The following COL25A1 variants were observed in gnomAD, a reference collection of about 807,000 sequenced individuals.
The protein encoded by COL25A1 is collagen alpha-1(XXV) chain.
Under a neutral mutation model 128.4 loss-of-function variants are expected in COL25A1, and 103 were observed. The ratio of observed to expected loss-of-function variants is 0.80; its 90% confidence interval spans 0.68 to 0.94. COL25A1 has a LOEUF of 0.94. Among genes scored for constraint, COL25A1 ranks in the 40% least tolerant of loss-of-function variants. The pLI, the probability that COL25A1 is intolerant of heterozygous loss-of-function variation, is 0.00. For missense variants in COL25A1, 745 were observed against 840.0 expected (o/e 0.89, Z 1.40); for synonymous variants, 279 against 277.2 (o/e 1.01, Z -0.06).
chr4:108,905,305 G>GA (rs1353977882), intron 13 of COL25A1, among the ~76,000 whole-genome samples: 1 of 151,242 alleles, frequency 6.6e-6, no homozygotes, highest in Non-Finnish European at 1.5e-5. Context: ...GATTTAGTAG[G>GA]AAAAAAATGA....
chr4:108,972,650 G>A (rs1752033986), intron 8 of COL25A1, among the ~76,000 whole-genome samples: 1 of 152,086 alleles, frequency 6.6e-6, no homozygotes. Flanking sequence ...TCAATACAAA[G>A]CAAAATACAG....
intron 3 of COL25A1, among the ~76,000 whole-genome samples, chr4:109,075,952 A>G (rs1328789950): frequency 1.3e-5 from 2 of 152,168 alleles, no homozygotes; most frequent in African/African-American, 2.4e-5. Flanking sequence ...AATATTTGGG[A>G]AAAAAATTGC....
In COL25A1 at chr4:109,197,496, AT is replaced by A. The variant is rs1191791720; in HGVS notation, c.367+103086del. 1.7e-4 allele frequency among the ~76,000 whole-genome samples: 22 copies of A among 128,780 alleles called. No individual in the cohort carries two copies. The South Asian group carries it at 2.1e-3, about 12-fold the overall frequency. The allele number at this position is 128,780 out of a possible 152,430, so 84.5% of individuals were successfully genotyped here. A position where few individuals can be genotyped will look rare whatever the true frequency, so the allele number is the denominator to read the frequency against. ...AATATATATTATATATTATATATAAATATATATTATATAATATTTATATATA... is the reference window on the plus strand; with the variant it reads ...AATATATATTATATATTATATATAAAATATATTATATAATATTTATATATA... On this transcript the variant is annotated intron_variant, in intron 3 of 37. Transcript: ENST00000399132.
rs1316265338 is a variant in COL25A1 at position 108,944,930 on chromosome 4, A to C, written c.493-3493T>G. 2.0e-5 allele frequency among the ~76,000 whole-genome samples: 3 copies of C among 152,142 alleles called. No individual in the cohort carries two copies. The East Asian group carries it at 5.8e-4, about 29-fold the overall frequency. On this transcript the variant is annotated intron_variant, in intron 8 of 37. Transcript: ENST00000399132. ...GATATCATTAGCATGCTAGGCAAGG[A>C]ATTTTTCAGGAGTTTACGTGTAGCA...
chr4:108,819,973 G>C, intron 35 of COL25A1: 1 of 700,502 alleles, frequency 1.4e-6, no homozygotes, highest in Non-Finnish European at 2.0e-6. Context: ...AGATGGTTTA[G>C]GTAAGAAAAT....
Position 108,813,806 on chromosome 4 carries a change from G to A in COL25A1, c.*121C>T, listed in dbSNP as rs922316502. On this transcript the variant is annotated 3_prime_UTR_variant, in exon 38 of 38. Coordinates refer to ENST00000399132, the MANE Select transcript of COL25A1 (RefSeq NM_198721.4). ...ATGGACATGTATACTACTGCCAGCA[G>A]GAAGAAGCAGCCCTATGTAAACATA... 2.9e-5 allele frequency: 22 copies of A among 767,084 alleles called. No individual in the cohort carries two copies. The highest frequency in any genetic ancestry group is 4.8e-5 in the Non-Finnish European group (22 of 454,900). 47.5% of individuals were successfully genotyped at this position (767,084 alleles called of 1,614,324 possible).
At chr4:108,959,650 CT>C (rs1288629398) in intron 8 of COL25A1, among the ~76,000 whole-genome samples, 4 of 152,144 alleles carry the variant, frequency 2.6e-5, no homozygotes, top group Non-Finnish European at 4.4e-5. Flanking sequence ...ATATACAATT[CT>C]GGGTAGATAC....
At chr4:108,969,275 A>G (rs1168029349) in intron 8 of COL25A1, among the ~76,000 whole-genome samples, 1 of 152,166 alleles carries the variant, frequency 6.6e-6, no homozygotes, top group Non-Finnish European at 1.5e-5. Flanking sequence ...ATGAGACATG[A>G]CCAGAAGTCT....
intron 15 of COL25A1, among the ~76,000 whole-genome samples, 177 bp downstream of exon 15, chr4:108,898,977 C>CTGTATCTA (rs1175925161): frequency 1.1e-3 from 115 of 109,280 alleles, no homozygotes; most frequent in African/African-American, 3.2e-3. Flanking sequence ...GGAGTCATAT[C>CTGTATCTA]TATATCTATA....
At chr4:109,053,019 T>C (rs566967715) in intron 3 of COL25A1, among the ~76,000 whole-genome samples, 43 of 151,846 alleles carry the variant, frequency 2.8e-4, no homozygotes, top group Non-Finnish European at 6.2e-4. Flanking sequence ...AAAACATGAC[T>C]CTGCAAAAGA....
chr4:109,116,556 G>A (rs1017218836), intron 3 of COL25A1, among the ~76,000 whole-genome samples: 1 of 151,854 alleles, frequency 6.6e-6, no homozygotes, highest in Non-Finnish European at 1.5e-5. Context: ...ATTACTAAAG[G>A]CCTATTTACC....
At chr4:108,884,982 T>C (rs1740611591) in intron 18 of COL25A1, among the ~76,000 whole-genome samples, 1 of 152,172 alleles carries the variant, frequency 6.6e-6, no homozygotes, top group South Asian at 2.1e-4. Context: ...GTTCCATTGC[T>C]TAGAAAATCT....
Position 108,809,536 on chromosome 4 carries a change from A to C in COL25A1, c.*4391T>G, listed in dbSNP as rs1730634591. 1 of 41,708 alleles carries C rather than the reference A, an allele frequency of 2.4e-5. No individual in the cohort carries two copies. The highest frequency in any genetic ancestry group is 8.0e-5 in the Non-Finnish European group (1 of 12,532). 2.6% of individuals were successfully genotyped at this position (41,708 alleles called of 1,614,324 possible). A position where few individuals can be genotyped will look rare whatever the true frequency, so the allele number is the denominator to read the frequency against. On this transcript the variant is annotated 3_prime_UTR_variant, in exon 38 of 38. Coordinates refer to ENST00000399132, the MANE Select transcript of COL25A1 (RefSeq NM_198721.4). The stretch of plus-strand genomic sequence containing the variant: ...ATCACACATAACGGTTTAGGTTGAA[A>C]AAGTCTTCTTATGCCCAAAAGGACG...
At chr4:108,886,490 G>GTTTTTTT (rs201934712) in intron 18 of COL25A1, among the ~76,000 whole-genome samples, 16 of 41,908 alleles carry the variant, frequency 3.8e-4, no homozygotes, top group African/African-American at 1.2e-3. Flanking sequence ...GTGTGTGTGT[G>GTTTTTTT]TGTTTAGCTC....
At chr4:109,024,974 A>C (rs1042307186) in intron 5 of COL25A1, among the ~76,000 whole-genome samples, 7 of 152,218 alleles carry the variant, frequency 4.6e-5, no homozygotes, top group Non-Finnish European at 1.0e-4. Context: ...TCATGACTCC[A>C]CATCAACTGG....
rs932201325 is a variant in COL25A1, at chr4:108,853,571, A to G, written c.1321-646T>C. 2.6e-5 allele frequency among the ~76,000 whole-genome samples: 4 copies of G among 152,190 alleles called. No homozygotes were observed. The East Asian group carries it at 5.8e-4, about 22-fold the overall frequency. On this transcript the variant is annotated intron_variant, in intron 24 of 37. Transcript: ENST00000399132. ...TGGGATACATGTGCAGAATGTGCAC[A>G]TTTGTTACATAGGTATACATGTGCC...
intron 3 of COL25A1, among the ~76,000 whole-genome samples, chr4:109,161,197 C>T (rs966342390): frequency 1.3e-5 from 2 of 151,994 alleles, no homozygotes; most frequent in Non-Finnish European, 2.9e-5. Flanking sequence ...ATTTTGCACC[C>T]GGGAGATATT....
At chr4:109,098,752 A>G (rs1436254958) in intron 3 of COL25A1, among the ~76,000 whole-genome samples, 1 of 152,202 alleles carries the variant, frequency 6.6e-6, no homozygotes, top group African/African-American at 2.4e-5. Flanking sequence ...GAAGATAAAG[A>G]ACAAAATGAC....
intron 19 of COL25A1, among the ~76,000 whole-genome samples, chr4:108,874,791 G>C (rs973994181): frequency 6.6e-6 from 1 of 152,176 alleles, no homozygotes; most frequent in Non-Finnish European, 1.5e-5. Context: ...TTAAACCTCT[G>C]GCTTGTTGCA....
Sources: gnomAD v4.1 joint callset for allele counts (sites outside exome capture counted in the v4.1 genomes callset) on GRCh38, gnomAD v4.1.1 for gene constraint, MANE v1.5 for transcripts, NCBI Gene and HGNC (gene_info 2026-07-23, HGNC 2026-07-21) for gene names.